Variants in DDX21 observed in about 807,000 individuals in gnomAD.
The protein encoded by DDX21 is DExD-box helicase 21.
Under a neutral mutation model 90.0 loss-of-function variants are expected in DDX21, and 18 were observed. The ratio of observed to expected loss-of-function variants is 0.20; its 90% CI spans 0.14 to 0.30. The LOEUF is 0.30. DDX21 is among the 10% of genes least tolerant of loss of function. The pLI is 1.00. For missense variants in DDX21, 673 were observed against 944.5 expected (o/e 0.71, Z 3.77); for synonymous variants, 294 against 318.0 (o/e 0.92, Z 0.80).
At chr10:68,956,565 G>A (rs773122993) in intron 1 of DDX21, 10 of 1,332,800 alleles carry the variant, frequency 7.5e-6, no homozygotes, top group Non-Finnish European at 8.7e-6. Flanking sequence ...TCCACAGGTC[G>A]GAACTCTGGT....
Position 68,967,215 on chromosome 10 carries a change from A to T in DDX21, c.1090+12A>T. 6.2e-7 allele frequency: 1 copy of T among 1,603,290 alleles called. No homozygotes were observed. The highest frequency in any genetic ancestry group is 8.5e-7 in the Non-Finnish European group (1 of 1,173,228). ...GGCATACAAGAAAGGTAATCCACAA[A>T]TTCAAGAAGCTGATAAAAAAGACCA... On this transcript the variant is annotated intron_variant, in intron 6 of 14. Transcript: ENST00000354185.
At position 68,960,100 on chromosome 10, in the gene DDX21, C is replaced by G. The variant is rs762991895; in HGVS notation, c.382C>G (p.Pro128Ala). 2 of 1,613,924 alleles carry G rather than the reference C, an allele frequency of 1.2e-6. No individual in the cohort carries two copies. The highest frequency in any genetic ancestry group is 4.5e-5 in the East Asian group (2 of 44,854). ...EEPSEEEIDA[P>A]KPKKMKKEKE... Reference sequence around the variant, plus strand: ...GCCTTCTGAGGAAGAAATAGATGCTCCTAAGCCCAAGAAGATGAAGAAAGA... The same window carrying G: ...GCCTTCTGAGGAAGAAATAGATGCTGCTAAGCCCAAGAAGATGAAGAAAGA... Residue 128 changes from proline to alanine, a missense_variant, in exon 2 of 15, where the codon CCT becomes GCT. Physicochemically the swap from Pro to Ala is conservative, Grantham distance 27 (BLOSUM62 -1). Transcript: ENST00000354185.
At chr10:68,962,507 T>C (rs368575462) in intron 3 of DDX21, among the ~76,000 whole-genome samples, 24 of 152,268 alleles carry the variant, frequency 1.6e-4, no homozygotes, top group African/African-American at 5.5e-4. Flanking sequence ...TCCTAACTAC[T>C]CCAGAGGCTG....
In DDX21 at chr10:68,960,234, C is replaced by T; in HGVS notation, c.516C>T (p.Asn172=). The T allele has an allele frequency of 6.2e-7, 1 of 1,604,462 alleles. No homozygotes were observed. Among genetic ancestry groups the T allele is most frequent in the East Asian group, 2.2e-5 (1 of 44,830 alleles). The change falls in exon 2 of 15, where the codon AAC becomes AAT. Residue 172 remains asparagine, a synonymous_variant. Transcript: ENST00000354185. ...NPSEAASEES[N]SEIEQEIPVE... ...GTGAAGCTGCCAGTGAAGAAAGTAA[C>T]AGTGAGATAGAGCAGGTACATTTGC...
intron 10 of DDX21, among the ~76,000 whole-genome samples, chr10:68,974,085 T>A (rs1564628965): frequency 1.3e-5 from 2 of 152,208 alleles, no homozygotes; most frequent in Non-Finnish European, 1.5e-5. Flanking sequence ...TTGAGTGGAC[T>A]GCACTTAGGG....
In DDX21 at chr10:68,959,928, T is replaced by A; in HGVS notation, c.210T>A (p.Asn70Lys). 1 of 1,610,060 alleles carries A rather than the reference T, an allele frequency of 6.2e-7. No homozygotes were observed. The highest frequency in any genetic ancestry group is 8.5e-7 in the Non-Finnish European group (1 of 1,179,362). Reference sequence around the variant, plus strand: ...CAGAGCCTTCTGAAGTTGACATGAATTCTCCTAAATCCAAAAAGGCAAAAA... The same window carrying A: ...CAGAGCCTTCTGAAGTTGACATGAAATCTCCTAAATCCAAAAAGGCAAAAA... ...KKAEPSEVDM[N>K]SPKSKKAKKK... Residue 70 changes from asparagine to lysine, a missense_variant, in exon 2 of 15, where the codon AAT becomes AAA. Around this residue, in one of 4 missense-constraint regions of DDX21, gnomAD observed 204 missense variants for 221.6 expected, o/e 0.92. Coordinates refer to ENST00000354185, the MANE Select transcript of DDX21 (RefSeq NM_004728.4).
At chr10:68,961,449 G>C (rs1842870940) in intron 2 of DDX21, among the ~76,000 whole-genome samples, 1 of 152,050 alleles carries the variant, frequency 6.6e-6, no homozygotes, top group African/African-American at 2.4e-5. Context: ...GTTAATTTTT[G>C]GTGTTTCCTT....
chr10:68,968,104 C>T lies in DDX21; in HGVS notation c.1091-872C>T, dbSNP rs569964549. On this transcript the variant is annotated intron_variant, in intron 6 of 14. Coordinates refer to ENST00000354185, the MANE Select transcript of DDX21 (RefSeq NM_004728.4). ...CATGCTGGTCTTGAACTCTTGGACTCAAGTGATCTTCCCTCCCACTTTGGC... is the reference window on the plus strand; with the variant it reads ...CATGCTGGTCTTGAACTCTTGGACTTAAGTGATCTTCCCTCCCACTTTGGC... 9.2e-5 allele frequency among the ~76,000 whole-genome samples: 14 copies of T among 151,396 alleles called. 2 individuals are homozygous for T. The South Asian group carries it at 2.9e-3, about 32-fold the overall frequency.
rs769466446 is a variant in DDX21, at chr10:68,970,263, A to G, written c.1299A>G (p.Val433=). The stretch of plus-strand genomic sequence containing the variant: ...CAGTTATTGGGGATGTCATCCGAGT[A>G]TATAGTGGTCATCAAGGACGCACTA... ...RAAVIGDVIR[V]YSGHQGRTII... The change falls in exon 8 of 15, where the codon GTA becomes GTG. Residue 433 remains valine (V), a synonymous_variant. Coordinates refer to ENST00000354185, the MANE Select transcript of DDX21 (RefSeq NM_004728.4). The G allele has an allele frequency of 3.1e-6, 5 of 1,614,122 alleles. No homozygotes were observed. The highest frequency in any genetic ancestry group is 4.2e-6 in the Non-Finnish European group (5 of 1,179,980).
At chr10:68,981,647 G>A in intron 14 of DDX21, 66 bp downstream of exon 14, 1 of 1,300,324 alleles carries the variant, frequency 7.7e-7, no homozygotes, top group Non-Finnish European at 1.1e-6. Context: ...TATGAAAATA[G>A]AGAATAATAG....
chr10:68,963,219 T>C lies in DDX21; in HGVS notation c.608-72T>C, dbSNP rs917125360. The C allele has an allele frequency of 5.5e-6, 8 of 1,456,696 alleles. No individual in the cohort carries two copies. In the African/African-American group the frequency reaches 9.9e-5, roughly 18 times the overall value. 90.2% of individuals were successfully genotyped at this position (1,456,696 alleles called of 1,614,324 possible). A position where few individuals can be genotyped will look rare whatever the true frequency, so the allele number is the denominator to read the frequency against. ...TGCAGGACCAGAAGCATGAGTAGTA[T>C]ACTTCAGTATGTCAGTATGGCTAAT... On this transcript the variant is annotated intron_variant, in intron 3 of 14. Coordinates refer to ENST00000354185, the MANE Select transcript of DDX21 (RefSeq NM_004728.4).
intron 10 of DDX21, among the ~76,000 whole-genome samples, chr10:68,974,062 C>T (rs1320565145): frequency 1.3e-5 from 2 of 152,168 alleles, no homozygotes; most frequent in Admixed American, 6.5e-5. Flanking sequence ...GAGCTTCACT[C>T]GTCTCCTTCC....
chr10:68,967,184 A>G lies in DDX21; in HGVS notation c.1071A>G (p.Leu357=). The part of the protein sequence containing the change: ...MGFADQVEEI[L]SVAYKKDSED... ...TTGCTGATCAAGTGGAAGAGATTTT[A>G]AGTGTGGCATACAAGAAAGGTAATC... The change falls in exon 6 of 15, where the codon TTA becomes TTG. Residue 357 remains leucine (L), a synonymous_variant. Transcript: ENST00000354185. 1 of 1,611,330 alleles carries G rather than the reference A, an allele frequency of 6.2e-7. No individual in the cohort carries two copies. Among genetic ancestry groups the G allele is most frequent in the Non-Finnish European group, 8.5e-7 (1 of 1,178,402 alleles).
At chr10:68,978,216 T>C (rs12778685) in intron 12 of DDX21, among the ~76,000 whole-genome samples, 17,865 of 152,088 alleles carry the variant, frequency 0.12, 1,335 homozygotes, top group Admixed American at 0.18. Flanking sequence ...TGACTGGCTG[T>C]GTGGAGGGAG....
rs114313961 is a variant in DDX21, at chr10:68,961,362, A to G, written c.532-720A>G. On this transcript the variant is annotated intron_variant, in intron 2 of 14. Coordinates refer to ENST00000354185, the MANE Select transcript of DDX21 (RefSeq NM_004728.4). ...AAAATGCAGACATTTTGCAAAAAGA[A>G]AGAAATGCTTCCTGGAATTTCACCA... Among the ~76,000 whole-genome samples, 418 of 152,372 alleles carry G rather than the reference A, an allele frequency of 2.7e-3. 5 individuals carry two copies. The highest frequency in any genetic ancestry group is 9.8e-3 in the African/African-American group (409 of 41,590).
Position 68,977,440 on chromosome 10 carries a change from G to A in DDX21, c.1743-89G>A. ...AATATGTTACACATGTGAAAGATTTGGAAAGTTACTCATTTATCTTGAGAT... is the reference window on the plus strand; with the variant it reads ...AATATGTTACACATGTGAAAGATTTAGAAAGTTACTCATTTATCTTGAGAT... On this transcript the variant is annotated intron_variant, in intron 11 of 14. Transcript: ENST00000354185. 4.0e-6 allele frequency: 5 copies of A among 1,252,408 alleles called. No homozygotes were observed. In the South Asian group the frequency reaches 9.2e-5, roughly 23 times the overall value. 77.6% of individuals were successfully genotyped at this position (1,252,408 alleles called of 1,614,324 possible).
intron 3 of DDX21, among the ~76,000 whole-genome samples, 157 bp downstream of exon 3, chr10:68,962,314 A>G (rs1293000420): frequency 6.6e-6 from 1 of 152,208 alleles, no homozygotes; most frequent in African/African-American, 2.4e-5. Flanking sequence ...TTAGTACTAT[A>G]GTAGTGATGG....
chr10:68,983,067 G>A lies in DDX21; in HGVS notation c.*255G>A, dbSNP rs1303986561. ...GAATTCATTACATTTTTATTCTAAT[G>A]TATTATCTGTAGATTAGAAGATAAA... is the stretch of plus-strand genomic sequence containing the variant. On this transcript the variant is annotated 3_prime_UTR_variant, in exon 15 of 15. Transcript: ENST00000354185. 1.9e-6 allele frequency: 1 copy of A among 514,314 alleles called. No homozygotes were observed. The highest frequency in any genetic ancestry group is 1.9e-5 in the African/African-American group (1 of 52,270). 31.9% of individuals were successfully genotyped at this position (514,314 alleles called of 1,614,324 possible).
At position 68,971,004 on chromosome 10, in the gene DDX21, T is replaced by C. The variant is rs1471681569; in HGVS notation, c.1386+654T>C. Among the ~76,000 whole-genome samples, 9 of 124,662 alleles carry C rather than the reference T, an allele frequency of 7.2e-5. No individual in the cohort carries two copies. In the South Asian group the frequency reaches 2.2e-3, roughly 31 times the overall value. The allele number at this position is 124,662 out of a possible 152,430, so 81.8% of individuals were successfully genotyped here. A position where few individuals can be genotyped will look rare whatever the true frequency, so the allele number is the denominator to read the frequency against. On this transcript the variant is annotated intron_variant, in intron 8 of 14. Transcript: ENST00000354185. ...TTTTTGGAGACAGGGTCTCACTCCC[T>C]TTGCCCAGGCTGAAGTGAAGTGCAT...
Sources: gnomAD v4.1 joint callset for allele counts (sites outside exome capture counted in the v4.1 genomes callset) on GRCh38, gnomAD v4.1.1 for gene constraint, gnomAD v4.1.1 regional missense constraint, MANE v1.5 for transcripts, NCBI Gene and HGNC (gene_info 2026-07-23, HGNC 2026-07-21) for gene names.